The following BCCIP variants were observed in gnomAD, a reference collection of about 807,000 sequenced individuals.
The protein encoded by BCCIP is BRCA2 and CDKN1A interacting protein.
Under a neutral mutation model 32.8 loss-of-function variants are expected in BCCIP, and 23 were observed. The observed-to-expected ratio is 0.70, with a 90% CI of 0.51 to 0.99. BCCIP has a LOEUF of 0.99. Among genes scored for constraint, BCCIP ranks in the 50% least tolerant of loss-of-function variants. The probability of loss-of-function intolerance (pLI) is 0.00; values close to 1 mark genes in which losing one functional copy is unlikely to be tolerated. For synonymous variants in BCCIP, 144 were observed against 137.6 expected (o/e 1.05, Z -0.33); for missense variants, 378 against 379.8 (o/e 1.00, Z 0.04).
At chr10:125,826,411 CA>C in intron 1 of BCCIP, 179 bp from the exon 2 acceptor site, 2 of 923,864 alleles carry the variant, frequency 2.2e-6, no homozygotes, top group Middle Eastern at 3.7e-4. Flanking sequence ...TGGACTTTCT[CA>C]ACATTTAAAC....
chr10:125,847,549 C>T (rs1443419212), downstream of BCCIP, among the ~76,000 whole-genome samples: 2 of 152,304 alleles, frequency 1.3e-5, no homozygotes, highest in East Asian at 1.9e-4. Flanking sequence ...GGTCCCCAAA[C>T]TTTTTGGCAC....
downstream of BCCIP, among the ~76,000 whole-genome samples, chr10:125,840,632 C>T (rs530391027): frequency 1.3e-5 from 2 of 152,346 alleles, no homozygotes; most frequent in Admixed American, 6.5e-5. Context: ...AGTACAGGCC[C>T]GCCATGGTGG....
At chr10:125,832,474 T>C (rs999271659) in intron 5 of BCCIP, among the ~76,000 whole-genome samples, 3 of 152,246 alleles carry the variant, frequency 2.0e-5, no homozygotes, top group Non-Finnish European at 4.4e-5. Context: ...GATTCGATGC[T>C]TCTTATCTCC....
chr10:125,842,841 G>C (rs1047551423), downstream of BCCIP: 1 of 906,260 alleles, frequency 1.1e-6, no homozygotes, highest in Non-Finnish European at 1.3e-6. Flanking sequence ...TTAAGTTTAT[G>C]TAACATCGAT....
downstream of BCCIP, among the ~76,000 whole-genome samples, chr10:125,847,685 G>T (rs1379569230): frequency 6.6e-6 from 1 of 152,152 alleles, no homozygotes; most frequent in Non-Finnish European, 1.5e-5. Context: ...AATATATAAT[G>T]AAATAATTAT....
downstream of BCCIP, chr10:125,838,161 T>G (rs764346180): frequency 1.9e-5 from 29 of 1,511,212 alleles, no homozygotes; most frequent in Non-Finnish European, 2.5e-5. Context: ...CCTACAGGTA[T>G]GAATTAAAAA....
exon 7 of BCCIP, chr10:125,841,885 T>A: frequency 6.2e-7 from 1 of 1,610,550 alleles, no homozygotes; most frequent in Non-Finnish European, 8.5e-7. Context: ...CATTATCCAG[T>A]GCTGCCAGAT....
rs983544997 is a variant in BCCIP, at chr10:125,842,779, C to T, written c.*1420C>T. On this transcript the variant is annotated 3_prime_UTR_variant, in exon 7 of 7. Coordinates refer to the BCCIP transcript ENST00000299130. ...TAGACAAAGATGTTATTTCCCAGTG[C>T]AAATAAAGAAATAAAGATAGCAAGC... 16 of 940,608 alleles carry T rather than the reference C, an allele frequency of 1.7e-5. No homozygotes were observed. In the African/African-American group the frequency reaches 1.8e-4, roughly 10 times the overall value. The allele number at this position is 940,608 out of a possible 1,614,324, so 58.3% of individuals were successfully genotyped here.
intron 1 of BCCIP, among the ~76,000 whole-genome samples, chr10:125,823,990 C>G (rs1020503830): frequency 6.6e-6 from 1 of 152,120 alleles, no homozygotes; most frequent in African/African-American, 2.4e-5. Flanking sequence ...TCTTCTCGTC[C>G]TCTTTAGTTC....
intron 5 of BCCIP, among the ~76,000 whole-genome samples, chr10:125,831,891 T>A (rs184656248): frequency 6.6e-6 from 1 of 152,212 alleles, no homozygotes; most frequent in African/African-American, 2.4e-5. Flanking sequence ...GATTGAAGTT[T>A]TTCACCTTCA....
downstream of BCCIP, chr10:125,842,857 TGTG>T (rs999515978): frequency 3.7e-5 from 30 of 820,858 alleles, no homozygotes; most frequent in East Asian, 1.2e-4. Flanking sequence ...TCGATAATGA[TGTG>T]GTATTATATA....
rs371312612 is a variant in BCCIP, at chr10:125,852,563, A to G, written c.851-562A>G. On this transcript the variant is annotated intron_variant, in intron 7 of 7. Transcript: ENST00000368759. ...ACTACCTGAAGAAGATGAGCCAAGAATCTGCTTGCGTATCTCTGCCTGGCT... is the reference window on the plus strand; with the variant it reads ...ACTACCTGAAGAAGATGAGCCAAGAGTCTGCTTGCGTATCTCTGCCTGGCT... The G allele has an allele frequency of 2.0e-5, 33 of 1,613,596 alleles. No homozygotes were observed. The highest frequency in any genetic ancestry group is 1.6e-4 in the Middle Eastern group (1 of 6,084).
intron 6 of BCCIP, among the ~76,000 whole-genome samples, chr10:125,835,803 TTA>T (rs1414371507): frequency 1.8e-4 from 27 of 152,240 alleles, no homozygotes; most frequent in African/African-American, 6.5e-4. Flanking sequence ...CTTAATTTCA[TTA>T]TGTTTCACAA....
rs762757159 is a variant in BCCIP at position 125,841,836 on chromosome 10, ACT to A, written c.*480_*481del. The A allele has an allele frequency of 5.0e-6, 8 of 1,613,698 alleles. No homozygotes were observed. In the African/African-American group the frequency reaches 6.7e-5, roughly 13 times the overall value. ...TTCGAGAGTTGTGGATCAAGAGGAAACTCTGACATGATGATTCCAAATTCAGA... is the reference window on the plus strand; with the variant it reads ...TTCGAGAGTTGTGGATCAAGAGGAAACTGACATGATGATTCCAAATTCAGA... On this transcript the variant is annotated 3_prime_UTR_variant, in exon 7 of 7. Coordinates refer to the BCCIP transcript ENST00000299130.
At chr10:125,849,234 C>A (rs1264562523) in intron 7 of BCCIP, among the ~76,000 whole-genome samples, 1 of 152,226 alleles carries the variant, frequency 6.6e-6, no homozygotes, top group Non-Finnish European at 1.5e-5. Context: ...TGCTGAGCCA[C>A]AGCCATCTTT....
chr10:125,839,151 G>C (rs1290023257), downstream of BCCIP: 2 of 1,614,262 alleles, frequency 1.2e-6, no homozygotes, highest in Non-Finnish European at 1.7e-6. Flanking sequence ...GTGCTGAACA[G>C]TTGAGGAAGT....
intron 3 of BCCIP, among the ~76,000 whole-genome samples, chr10:125,828,964 A>G (rs1854466028): frequency 1.3e-5 from 2 of 152,196 alleles, no homozygotes; most frequent in South Asian, 2.1e-4. Flanking sequence ...CTCGTCACAC[A>G]TTGGTTTGCT....
downstream of BCCIP, among the ~76,000 whole-genome samples, chr10:125,846,468 T>C (rs1944021955): frequency 2.0e-5 from 3 of 152,222 alleles, no homozygotes; most frequent in South Asian, 6.2e-4. Flanking sequence ...GCTCAAATTA[T>C]TATTTGCTCT....
chr10:125,853,016 A>C, intron 7 of BCCIP: 1 of 807,440 alleles, frequency 1.2e-6, no homozygotes, highest in Non-Finnish European at 2.0e-6. Context: ...GTTTTGTTCA[A>C]ATCAACCAGG....
Sources: allele counts gnomAD v4.1 joint callset (sites outside exome capture counted in the v4.1 genomes callset), GRCh38; gene constraint gnomAD v4.1.1; transcripts MANE v1.5; gene names NCBI Gene and HGNC (gene_info 2026-07-23, HGNC 2026-07-21).